The following OR6P1 variants were observed in gnomAD, a reference collection of about 807,000 sequenced individuals.
OR6P1 encodes the protein olfactory receptor family 6 subfamily P member 1.
In OR6P1, 5 loss-of-function variants were observed where a neutral mutation model predicts 6.6. The ratio of observed to expected loss-of-function variants is 0.76; its 90% CI spans 0.40 to 1.60. OR6P1 has a LOEUF of 1.60. Ranked by LOEUF, OR6P1 falls within the 40% of genes most tolerant of loss-of-function variation. OR6P1 has a pLI of 0.02. For synonymous variants in OR6P1, 177 were observed against 149.6 expected, an observed-to-expected ratio of 1.18 and a Z score of -1.33; for missense variants, 451 against 383.0, an observed-to-expected ratio of 1.18 and a Z score of -1.48.
chr1:158,565,294 CAATGAAATCT>C (rs1299996281), intron 2 of OR6P1, among the ~76,000 whole-genome samples: 1 of 152,028 alleles, frequency 6.6e-6, no homozygotes, highest in Non-Finnish European at 1.5e-5. Flanking sequence ...TTTATGTATT[CAATGAAATCT>C]AATGAAATCT....
rs1055002330 is a variant in OR6P1 at position 158,566,784 on chromosome 1, G to A, written c.-43C>T. 4 of 152,154 alleles carry A rather than the reference G, an allele frequency of 2.6e-5. No homozygotes were observed. The highest frequency in any genetic ancestry group is 9.7e-5 in the African/African-American group (4 of 41,444). The allele number at this position is 152,154 out of a possible 1,614,324, so 9.4% of individuals were successfully genotyped here. On this transcript the variant is annotated 5_prime_UTR_variant, in exon 2 of 3. Transcript: ENST00000641540. The stretch of plus-strand genomic sequence containing the variant: ...CCTACCAGGGTCAGTCCTGAGGGAT[G>A]TGGGAAAGTTGTTGGAAAACGGAGT...
intron 2 of OR6P1, among the ~76,000 whole-genome samples, chr1:158,564,480 A>G (rs961540647): frequency 2.6e-5 from 4 of 152,188 alleles, no homozygotes; most frequent in Non-Finnish European, 5.9e-5. Flanking sequence ...TGAAATTTGA[A>G]ACGGACACAC....
At chr1:158,567,313 T>C (rs1648123312) in intron 1 of OR6P1, among the ~76,000 whole-genome samples, 1 of 151,958 alleles carries the variant, frequency 6.6e-6, no homozygotes, top group African/African-American at 2.4e-5. Flanking sequence ...CAAAGGACTA[T>C]AAATCATGCT....
intron 2 of OR6P1, among the ~76,000 whole-genome samples, chr1:158,565,553 G>A (rs932849353): frequency 1.3e-5 from 2 of 151,784 alleles, no homozygotes; most frequent in African/African-American, 4.8e-5. Flanking sequence ...ATTTTCTCTA[G>A]CTGTTATATA....
chr1:158,563,618 C>T lies in OR6P1; in HGVS notation c.-14G>A, dbSNP rs1648027983. Reference sequence around the variant, plus strand: ...CAAATTTCTCATGGCTCTCTGTCCACTTGAGTGCCTAAAATAAATCACAGG... The same window carrying T: ...CAAATTTCTCATGGCTCTCTGTCCATTTGAGTGCCTAAAATAAATCACAGG... On this transcript the variant is annotated 5_prime_UTR_variant, in exon 3 of 3. In the 5' UTR this introduces an upstream ATG that the reference lacks. Transcript: ENST00000641540. The T allele has an allele frequency of 1.4e-6, 2 of 1,466,238 alleles. No homozygotes were observed. The highest frequency in any genetic ancestry group is 1.8e-6 in the Non-Finnish European group (2 of 1,088,168). The allele number at this position is 1,466,238 out of a possible 1,614,324, so 90.8% of individuals were successfully genotyped here.
In OR6P1 at chr1:158,561,133, G is replaced by T. The variant is rs1398357145; in HGVS notation, c.*1518C>A. On this transcript the variant is annotated 3_prime_UTR_variant, in exon 3 of 3. Transcript: ENST00000641540. ...TATTATCAAAGAGAAACTAAGAGCA[G>T]AGATGTAAAGTTTCTTGCCTATGAT... 6.6e-6 allele frequency: 1 copy of T among 152,184 alleles called. No individual in the cohort carries two copies. The highest frequency in any genetic ancestry group is 1.9e-4 in the East Asian group (1 of 5,192). The allele number at this position is 152,184 out of a possible 1,614,324, so 9.4% of individuals were successfully genotyped here.
chr1:158,570,299 G>A (rs1648206178), intron 1 of OR6P1, 143 bp downstream of exon 1: 1 of 152,152 alleles, frequency 6.6e-6, no homozygotes, highest in Non-Finnish European at 1.5e-5. Context: ...TAAAATGACA[G>A]GGTACTCACT....
At position 158,563,455 on chromosome 1, in the gene OR6P1, C is replaced by G. The variant is rs1416132288; in HGVS notation, c.150G>C (p.Trp50Cys). 2 of 1,551,148 alleles carry G rather than the reference C, an allele frequency of 1.3e-6. No individual in the cohort carries two copies. The highest frequency in any genetic ancestry group is 8.7e-7 in the Non-Finnish European group (1 of 1,146,804). Residue 50 changes from tryptophan (W) to cysteine (C), a missense_variant, in exon 3 of 3, where the codon TGG becomes TGC. Coordinates refer to ENST00000641540, the MANE Select transcript of OR6P1 (RefSeq NM_001160325.2). ...TGGGACGATGAAGGCTTGGAGCAAG[C>G]CATATTGTGAAGACAATAAGTGCAT... ...LENALIVFTI[W>C]LAPSLHRPMY...
At chr1:158,565,711 CTT>C (rs1449012930) in intron 2 of OR6P1, among the ~76,000 whole-genome samples, 1 of 152,028 alleles carries the variant, frequency 6.6e-6, no homozygotes, top group Non-Finnish European at 1.5e-5. Context: ...TATTGTAAGA[CTT>C]ATTACCACAA....
In OR6P1 at chr1:158,563,313, T is replaced by C; in HGVS notation, c.292A>G (p.Met98Val). ...QDGRVSYVGC[M>V]TQLYFFIALA... Reference sequence around the variant, plus strand: ...GCAATAAAGAAGTACAGTTGGGTCATGCAACCTACGTAGGAGACTCTACCA... The same window carrying C: ...GCAATAAAGAAGTACAGTTGGGTCACGCAACCTACGTAGGAGACTCTACCA... The change falls in exon 3 of 3, where the codon ATG becomes GTG. Residue 98 changes from methionine to valine, a missense_variant. Met to Val is a conservative substitution (Grantham distance 21, BLOSUM62 1). Coordinates refer to ENST00000641540, the MANE Select transcript of OR6P1 (RefSeq NM_001160325.2). 6 of 1,551,456 alleles carry C rather than the reference T, an allele frequency of 3.9e-6. No individual in the cohort carries two copies. Among genetic ancestry groups the C allele is most frequent in the Non-Finnish European group, 5.2e-6 (6 of 1,146,924 alleles).
Position 158,562,804 on chromosome 1 carries a change from G to A in OR6P1, c.801C>T (p.Thr267=). 6.4e-7 allele frequency: 1 copy of A among 1,552,350 alleles called. No homozygotes were observed. ...FTYARPRAMY[T]FNHNKIISVL... is the part of the protein sequence containing the mutation. The stretch of plus-strand genomic sequence containing the variant: ...CAGAGATAATCTTGTTGTGGTTGAA[G>A]GTGTACATGGCCCGGGGCCGTGCAT... Residue 267 remains threonine (T), a synonymous_variant, in exon 3 of 3, where the codon ACC becomes ACT. Coordinates refer to ENST00000641540, the MANE Select transcript of OR6P1 (RefSeq NM_001160325.2).
rs1209829617 is a variant in OR6P1 at position 158,563,041 on chromosome 1, G to A, written c.564C>T (p.Thr188=). The change falls in exon 3 of 3, where the codon ACC becomes ACT. Residue 188 remains threonine (T), a synonymous_variant. Transcript: ENST00000641540. The part of the protein sequence containing the change: ...FCDISPLLNL[T]CSDKEQAELV... ...GCTCTGCTTGCTCCTTGTCAGAGCA[G>A]GTGAGGTTGAGTAGTGGGGAAATAT... The A allele has an allele frequency of 1.9e-6, 3 of 1,551,638 alleles. No individual in the cohort carries two copies. Among genetic ancestry groups the A allele is most frequent in the Non-Finnish European group, 1.7e-6 (2 of 1,147,000 alleles).
At chr1:158,567,545 C>CA (rs1276580502) in intron 1 of OR6P1, among the ~76,000 whole-genome samples, 4 of 144,148 alleles carry the variant, frequency 2.8e-5, no homozygotes, top group African/African-American at 7.8e-5. Flanking sequence ...ATCGCAAGAA[C>CA]AAAAAACCAA....
chr1:158,562,410 G>A lies in OR6P1; in HGVS notation c.*241C>T. On this transcript the variant is annotated 3_prime_UTR_variant, in exon 3 of 3. Transcript: ENST00000641540. ...GTAAGACTCTCCACATATTTTTTTG[G>A]GGGAATCTGTATTTTAACAAATTCC... 2.1e-6 allele frequency: 1 copy of A among 476,942 alleles called. No individual in the cohort carries two copies. Among genetic ancestry groups the A allele is most frequent in the Non-Finnish European group, 3.8e-6 (1 of 265,922 alleles). 29.5% of individuals were successfully genotyped at this position (476,942 alleles called of 1,614,324 possible).
intron 2 of OR6P1, among the ~76,000 whole-genome samples, chr1:158,565,060 T>TTTTTTA (rs1221834813): frequency 2.6e-5 from 4 of 151,856 alleles, no homozygotes; most frequent in African/African-American, 7.3e-5. Flanking sequence ...TGACATCAAA[T>TTTTTTA]TTTTTATTTT....
At chr1:158,570,194 C>T (rs1433502682) in intron 1 of OR6P1, among the ~76,000 whole-genome samples, 1 of 152,176 alleles carries the variant, frequency 6.6e-6, no homozygotes, top group Non-Finnish European at 1.5e-5. Flanking sequence ...CATTTTACCT[C>T]ATTGCCACTT....
In OR6P1 at chr1:158,560,874, A is replaced by T. The variant is rs1436107649; in HGVS notation, c.*1777T>A. Reference sequence around the variant, plus strand: ...TATTATTTCCCACTAGATATCCTTAATACATTCATCATCCTCCCAGTCCAG... The same window carrying T: ...TATTATTTCCCACTAGATATCCTTATTACATTCATCATCCTCCCAGTCCAG... On this transcript the variant is annotated 3_prime_UTR_variant, in exon 3 of 3. Coordinates refer to ENST00000641540, the MANE Select transcript of OR6P1 (RefSeq NM_001160325.2). The T allele has an allele frequency of 6.6e-6, 1 of 152,178 alleles. No individual in the cohort carries two copies. The highest frequency in any genetic ancestry group is 1.5e-5 in the Non-Finnish European group (1 of 68,020). The allele number at this position is 152,178 out of a possible 1,614,324, so 9.4% of individuals were successfully genotyped here.
At position 158,563,508 on chromosome 1, in the gene OR6P1, C is replaced by CA. The variant is rs201077183; in HGVS notation, c.96dup (p.Ala33CysfsTer59). The CA allele has an allele frequency of 1.2e-3, 1,901 of 1,542,706 alleles. 20 individuals are homozygous for CA. In the African/African-American group the frequency reaches 0.022, roughly 18 times the overall value. ...TCCAACAATGTCAGAAGGTAAATTGCAAAAAAAAGGACAAAGAGGAGCAGC... is the reference window on the plus strand; with the variant it reads ...TCCAACAATGTCAGAAGGTAAATTGCAAAAAAAAAGGACAAAGAGGAGCAGC... On this transcript the variant is annotated frameshift_variant, in exon 3 of 3. Coordinates refer to ENST00000641540, the MANE Select transcript of OR6P1 (RefSeq NM_001160325.2). LOFTEE classifies it low-confidence loss of function (END_TRUNC).
chr1:158,562,941 T>A lies in OR6P1; in HGVS notation c.664A>T (p.Ile222Phe). 1 of 1,551,686 alleles carries A rather than the reference T, an allele frequency of 6.4e-7. No homozygotes were observed. Among genetic ancestry groups the A allele is most frequent in the Non-Finnish European group, 8.7e-7 (1 of 1,146,988 alleles). The change falls in exon 3 of 3, where the codon ATT becomes TTT. Residue 222 changes from isoleucine (I) to phenylalanine (F), a missense_variant. Coordinates refer to ENST00000641540, the MANE Select transcript of OR6P1 (RefSeq NM_001160325.2). ...GTAGGGATCCTCAGGATGGCTGCAA[T>A]GATGGCAGTGTATGATGAAACCACA... ...LAVVSSYTAI[I>F]AAILRIPTSR...
Sources: gnomAD v4.1 joint callset for allele counts (sites outside exome capture counted in the v4.1 genomes callset) on GRCh38, gnomAD v4.1.1 for gene constraint, MANE v1.5 for transcripts, NCBI Gene and HGNC (gene_info 2026-07-23, HGNC 2026-07-21) for gene names.